Variants in RNF217 observed in about 807,000 individuals in gnomAD.
RNF217 encodes ring finger protein 217.
RNF217 carries 31 observed loss-of-function variants against 57.8 expected under a neutral mutation model. The observed-to-expected ratio is 0.54, with a 90% CI of 0.40 to 0.72. RNF217 has a LOEUF of 0.72. Among genes scored for constraint, RNF217 ranks in the 30% least tolerant of loss-of-function variants. RNF217 has a pLI of 0.00. For missense variants in RNF217, 696 were observed against 708.3 expected (o/e 0.98, Z 0.20); for synonymous variants, 313 against 294.0 (o/e 1.06, Z -0.66).
At chr6:125,055,940 AAC>A (rs1446573527) in intron 2 of RNF217, among the ~76,000 whole-genome samples, 2 of 152,304 alleles carry the variant, frequency 1.3e-5, no homozygotes, top group South Asian at 2.1e-4. Flanking sequence ...CAAAAAGGAA[AAC>A]AGTTATTTTA....
intron 1 of RNF217, among the ~76,000 whole-genome samples, chr6:125,008,411 A>G (rs541726480): frequency 6.6e-6 from 1 of 152,360 alleles, no homozygotes; most frequent in East Asian, 1.9e-4. Flanking sequence ...GAAGTTAAGC[A>G]TTAACCAATC....
At chr6:125,029,551 A>G (rs1786258515) in intron 1 of RNF217, among the ~76,000 whole-genome samples, 1 of 152,206 alleles carries the variant, frequency 6.6e-6, no homozygotes, top group Non-Finnish European at 1.5e-5. Flanking sequence ...GGCTCCGTTG[A>G]AGTTTCTGTT....
Position 124,962,784 on chromosome 6 carries a change from G to GA in RNF217, c.241dup (p.Ser81LysfsTer43). On this transcript the variant is annotated frameshift_variant, in exon 1 of 6. Transcript: ENST00000521654. LOFTEE classifies it high-confidence loss of function. This position sits in a 1 kb window ranked among gnomAD's most constrained non-coding sequence, Gnocchi z 4.6. The stretch of plus-strand genomic sequence containing the variant: ...GCCTGGGGCCCCCGGGCTGGAGTAA[G>GA]AGCCGAGCACCGGCGCAGCCTGCGG... The GA allele has an allele frequency of 6.3e-7, 1 of 1,596,786 alleles. No homozygotes were observed. Among genetic ancestry groups the GA allele is most frequent in the Non-Finnish European group, 8.5e-7 (1 of 1,179,420 alleles).
At chr6:125,049,755 A>G (rs1050839405) in intron 2 of RNF217, among the ~76,000 whole-genome samples, 3 of 151,968 alleles carry the variant, frequency 2.0e-5, no homozygotes, top group Non-Finnish European at 4.4e-5. Context: ...TGAGAAGGGC[A>G]TGGGGGAGTA....
chr6:125,001,992 G>A (rs1020328582), intron 1 of RNF217, among the ~76,000 whole-genome samples: 3 of 152,116 alleles, frequency 2.0e-5, no homozygotes, highest in Non-Finnish European at 4.4e-5. Context: ...GTGTATTTTA[G>A]GTGCTGTTGT....
intron 1 of RNF217, among the ~76,000 whole-genome samples, chr6:125,005,376 T>C (rs184457862): frequency 6.6e-6 from 1 of 152,308 alleles, no homozygotes; most frequent in African/African-American, 2.4e-5. Flanking sequence ...ACTCTGCAAC[T>C]TAAAGACAAA....
At chr6:125,082,699 G>A in intron 5 of RNF217, 165 bp from the exon 6 acceptor site, 1 of 1,334,886 alleles carries the variant, frequency 7.5e-7, no homozygotes. Flanking sequence ...AAGCTAAAGG[G>A]AAATATTAAA....
At chr6:125,018,666 A>G (rs1434707854) in intron 1 of RNF217, among the ~76,000 whole-genome samples, 1 of 152,214 alleles carries the variant, frequency 6.6e-6, no homozygotes, top group Non-Finnish European at 1.5e-5. Context: ...TCAACAATAA[A>G]GAGGCTAGTG....
At chr6:124,985,200 C>T (rs1784329234) in intron 1 of RNF217, among the ~76,000 whole-genome samples, 1 of 152,222 alleles carries the variant, frequency 6.6e-6, no homozygotes, top group Non-Finnish European at 1.5e-5. Context: ...GATGTTCACA[C>T]ACTGTTTGTT....
At chr6:125,038,822 T>C (rs1361468984) in intron 1 of RNF217, among the ~76,000 whole-genome samples, 2 of 152,116 alleles carry the variant, frequency 1.3e-5, no homozygotes. Context: ...GTATTAATGA[T>C]CTTTTTTTCT....
At chr6:125,058,642 CT>C (rs1787611899) in intron 3 of RNF217, among the ~76,000 whole-genome samples, 1 of 152,148 alleles carries the variant, frequency 6.6e-6, no homozygotes, top group African/African-American at 2.4e-5. Context: ...CACTTTTCAT[CT>C]TTCTTTTGAT....
chr6:124,999,134 T>C (rs576791275), intron 1 of RNF217, among the ~76,000 whole-genome samples: 1 of 152,346 alleles, frequency 6.6e-6, no homozygotes, highest in African/African-American at 2.4e-5. Flanking sequence ...ATACTGTGTA[T>C]TATACTGAAG....
chr6:125,055,015 A>G (rs1787470724), intron 2 of RNF217, among the ~76,000 whole-genome samples: 2 of 152,170 alleles, frequency 1.3e-5, no homozygotes, highest in Admixed American at 1.3e-4. Context: ...GAGTGGAGGA[A>G]GATGCAGTGT....
rs1257581787 is a variant in RNF217, at chr6:125,055,519, G to A, written c.1117-2423G>A. ...CACAAAGATCTTTGAGTCATTAAAT[G>A]TCTGACATTTATAGAGCGAATCCGA... On this transcript the variant is annotated intron_variant, in intron 2 of 5. Coordinates refer to ENST00000521654, the MANE Select transcript of RNF217 (RefSeq NM_001286398.3). Among the ~76,000 whole-genome samples, 6 of 152,172 alleles carry A rather than the reference G, an allele frequency of 3.9e-5. No individual in the cohort carries two copies. In the East Asian group the frequency reaches 7.7e-4, roughly 20 times the overall value.
intron 1 of RNF217, among the ~76,000 whole-genome samples, chr6:124,983,028 A>G (rs956159550): frequency 6.6e-6 from 1 of 152,232 alleles, no homozygotes; most frequent in Non-Finnish European, 1.5e-5. Context: ...GGATCACTTC[A>G]TAGAGTAATT....
intron 1 of RNF217, among the ~76,000 whole-genome samples, chr6:125,034,192 T>G (rs1426771248): frequency 2.6e-5 from 4 of 152,230 alleles, no homozygotes; most frequent in Non-Finnish European, 4.4e-5. Flanking sequence ...AGAAGCTCTT[T>G]AGTTTAATTG....
intron 1 of RNF217, among the ~76,000 whole-genome samples, chr6:125,012,828 A>G (rs1333715894): frequency 6.6e-6 from 1 of 152,118 alleles, no homozygotes; most frequent in Non-Finnish European, 1.5e-5. Context: ...TTTCTTATTT[A>G]TATGCTTATG....
rs977100371 is a variant in RNF217, at chr6:125,084,525, G to C, written c.*1588G>C. ...CAACCTTGTCTGATTTGAAATAGAT[G>C]ATATGATAAAACATGCATTAACATG... On this transcript the variant is annotated 3_prime_UTR_variant, in exon 6 of 6. Transcript: ENST00000521654. 4 of 151,930 alleles carry C rather than the reference G, an allele frequency of 2.6e-5. No individual in the cohort carries two copies. The highest frequency in any genetic ancestry group is 5.9e-5 in the Non-Finnish European group (4 of 67,892). The allele number at this position is 151,930 out of a possible 1,614,324, so 9.4% of individuals were successfully genotyped here.
intron 1 of RNF217, among the ~76,000 whole-genome samples, chr6:124,972,289 T>C (rs1783793006): frequency 6.6e-6 from 1 of 152,204 alleles, no homozygotes; most frequent in Non-Finnish European, 1.5e-5. Flanking sequence ...CTACTGATTC[T>C]ATTTCTGCTG....
Sources: allele counts gnomAD v4.1 joint callset (sites outside exome capture counted in the v4.1 genomes callset), GRCh38; gene constraint gnomAD v4.1.1; non-coding constraint Gnocchi (gnomAD v3.1); transcripts MANE v1.5; gene names NCBI Gene and HGNC (gene_info 2026-07-23, HGNC 2026-07-21).